Variants in PPTC7 observed in about 807,000 individuals in gnomAD.
PPTC7 encodes protein phosphatase targeting COQ7.
Under a neutral mutation model 30.8 loss-of-function variants are expected in PPTC7, and 6 were observed. The observed-to-expected ratio is 0.19, with a 90% confidence interval of 0.11 to 0.38. The LOEUF is 0.38. Among genes scored for constraint, PPTC7 ranks in the 10% least tolerant of loss-of-function variants. PPTC7 has a pLI of 1.00. For missense variants in PPTC7, 218 were observed against 404.8 expected (o/e 0.54, Z 3.96); for synonymous variants, 163 against 168.1 (o/e 0.97, Z 0.23).
At chr12:110,540,913 C>A (rs1362522889) in intron 3 of PPTC7, among the ~76,000 whole-genome samples, 1 of 151,712 alleles carries the variant, frequency 6.6e-6, no homozygotes, top group Non-Finnish European at 1.5e-5. Context: ...GTAGCTGGGA[C>A]TACAGGTGCC....
chr12:110,573,146 T>C (rs1361287390), intron 1 of PPTC7, among the ~76,000 whole-genome samples: 2 of 152,158 alleles, frequency 1.3e-5, no homozygotes, highest in South Asian at 4.1e-4. Flanking sequence ...TCCCAAAGTG[T>C]TGGGATTATA....
chr12:110,552,241 G>A (rs143008883), intron 1 of PPTC7, among the ~76,000 whole-genome samples: 20 of 152,320 alleles, frequency 1.3e-4, no homozygotes, highest in African/African-American at 4.1e-4. Flanking sequence ...TTCAATTTCA[G>A]CAGGATTAGC....
intron 1 of PPTC7, among the ~76,000 whole-genome samples, chr12:110,560,488 T>C (rs2064430413): frequency 6.6e-6 from 1 of 152,116 alleles, no homozygotes; most frequent in Admixed American, 6.6e-5. Context: ...GTCACCTAAC[T>C]GTGTAATTGC....
chr12:110,541,142 G>T (rs2064256262), intron 3 of PPTC7, among the ~76,000 whole-genome samples: 1 of 151,672 alleles, frequency 6.6e-6, no homozygotes, highest in African/African-American at 2.4e-5. Flanking sequence ...AGCACTTTGG[G>T]AGGCCAAGGT....
chr12:110,572,150 TAAC>T (rs2064541928), intron 1 of PPTC7, among the ~76,000 whole-genome samples: 1 of 152,154 alleles, frequency 6.6e-6, no homozygotes. Flanking sequence ...CCTTGAAAGA[TAAC>T]AACGTGGCTA....
chr12:110,545,823 G>A (rs907952543), intron 3 of PPTC7, 57 bp downstream of exon 3: 1 of 1,502,328 alleles, frequency 6.7e-7, no homozygotes, highest in Non-Finnish European at 9.3e-7. Flanking sequence ...GGGGACAGGA[G>A]GGGACTATGA....
chr12:110,551,247 T>C (rs1208891805), intron 2 of PPTC7, among the ~76,000 whole-genome samples: 2 of 152,260 alleles, frequency 1.3e-5, no homozygotes, highest in Admixed American at 6.5e-5. Context: ...TGCTGTGGCA[T>C]ACTATATGTT....
At chr12:110,582,261 C>G (rs2064643786) in intron 1 of PPTC7, among the ~76,000 whole-genome samples, 1 of 152,192 alleles carries the variant, frequency 6.6e-6, no homozygotes, top group Admixed American at 6.5e-5. Context: ...CCAGCAGCCC[C>G]CACCGCCACA....
intron 3 of PPTC7, among the ~76,000 whole-genome samples, chr12:110,542,673 C>CAAAA (rs765332697): frequency 3.0e-4 from 8 of 26,788 alleles, no homozygotes; most frequent in Non-Finnish European, 4.5e-4. Flanking sequence ...GACTCTGTCT[C>CAAAA]AAAAAAAAAA....
chr12:110,553,384 T>C (rs1188466509), intron 1 of PPTC7, among the ~76,000 whole-genome samples: 1 of 151,910 alleles, frequency 6.6e-6, no homozygotes, highest in Non-Finnish European at 1.5e-5. Flanking sequence ...GACCTCATGA[T>C]CTGCCAGCCT....
At chr12:110,563,789 C>T (rs1025742603) in intron 1 of PPTC7, among the ~76,000 whole-genome samples, 3 of 152,130 alleles carry the variant, frequency 2.0e-5, no homozygotes, top group Non-Finnish European at 2.9e-5. Context: ...TAATGAGCCT[C>T]CACATACACT....
intron 1 of PPTC7, among the ~76,000 whole-genome samples, chr12:110,580,016 C>A (rs1182446813): frequency 6.6e-6 from 1 of 150,946 alleles, no homozygotes; most frequent in Non-Finnish European, 1.5e-5. Context: ...TCCATACCCG[C>A]ACCCCCCACC....
intron 1 of PPTC7, among the ~76,000 whole-genome samples, chr12:110,567,089 C>T (rs2064490374): frequency 6.6e-6 from 1 of 152,148 alleles, no homozygotes; most frequent in Non-Finnish European, 1.5e-5. Flanking sequence ...ACAATAATAC[C>T]AGTGCCTTTA....
chr12:110,538,407 A>G, intron 4 of PPTC7, 134 bp from the exon 5 acceptor site: 1 of 791,166 alleles, frequency 1.3e-6, no homozygotes. Context: ...GCTAATATGA[A>G]CAAGACTCCA....
intron 1 of PPTC7, among the ~76,000 whole-genome samples, chr12:110,562,378 G>C (rs534258639): frequency 1.3e-5 from 2 of 149,576 alleles, no homozygotes; most frequent in African/African-American, 4.9e-5. Flanking sequence ...ATTCTGTCAA[G>C]TTATACAGAA....
In PPTC7 at chr12:110,583,223, G is replaced by A; in HGVS notation, c.-192C>T. ...CGCTCAGCCGCGCGCACCGGAGCCAGAGCGAGGTCAGAAGCGGCGGCTCCT... is the reference window on the plus strand; with the variant it reads ...CGCTCAGCCGCGCGCACCGGAGCCAAAGCGAGGTCAGAAGCGGCGGCTCCT... On this transcript the variant is annotated 5_prime_UTR_variant, in exon 1 of 6. Coordinates refer to ENST00000354300, the MANE Select transcript of PPTC7 (RefSeq NM_139283.2). The A allele has an allele frequency of 4.9e-6, 1 of 206,030 alleles. No homozygotes were observed. The highest frequency in any genetic ancestry group is 9.2e-6 in the Non-Finnish European group (1 of 108,256). 12.8% of individuals were successfully genotyped at this position (206,030 alleles called of 1,614,324 possible).
At position 110,554,731 on chromosome 12, in the gene PPTC7, A is replaced by G. The variant is rs147849447; in HGVS notation, c.224-2763T>C. 2.3e-3 allele frequency among the ~76,000 whole-genome samples: 353 copies of G among 152,314 alleles called. 1 individual carries two copies. The highest frequency in any genetic ancestry group is 7.9e-3 in the African/African-American group (329 of 41,572). ...ACACCAAGCTATTCTTTCCAACACTAAAACCAATTTCTATCTACTAAATTC... is the reference window on the plus strand; with the variant it reads ...ACACCAAGCTATTCTTTCCAACACTGAAACCAATTTCTATCTACTAAATTC... On this transcript the variant is annotated intron_variant, in intron 1 of 5. Coordinates refer to ENST00000354300, the MANE Select transcript of PPTC7 (RefSeq NM_139283.2).
At chr12:110,565,181 T>A (rs1219999094) in intron 1 of PPTC7, among the ~76,000 whole-genome samples, 1 of 152,020 alleles carries the variant, frequency 6.6e-6, no homozygotes, top group Admixed American at 6.6e-5. Flanking sequence ...TTTTTTACTC[T>A]ATACATTGTT....
intron 2 of PPTC7, chr12:110,546,428 T>G (rs2064306605): frequency 4.5e-6 from 1 of 219,958 alleles, no homozygotes; most frequent in Non-Finnish European, 9.2e-6. Flanking sequence ...AACATGTTGT[T>G]GAGATATTAA....
Sources: allele counts gnomAD v4.1 joint callset (sites outside exome capture counted in the v4.1 genomes callset), GRCh38; gene constraint gnomAD v4.1.1; transcripts MANE v1.5; gene names NCBI Gene and HGNC (gene_info 2026-07-23, HGNC 2026-07-21).